FUT9: variants seen among roughly 807,000 people sequenced by gnomAD.
FUT9 encodes the protein fucosyltransferase 9, also known as 4-galactosyl-N-acetylglucosaminide 3-alpha-L-fucosyltransferase 9.
FUT9 carries 15 observed loss-of-function variants against 29.7 expected under a neutral mutation model. That is an observed-to-expected ratio of 0.51 (90% CI 0.34 to 0.78). The LOEUF (loss-of-function observed/expected upper bound fraction) is 0.78, where lower values mean the gene tolerates loss of function less well. FUT9 is among the 30% of genes least tolerant of loss of function. FUT9 has a pLI of 0.01. For synonymous variants in FUT9, 169 were observed against 153.7 expected (o/e 1.10, Z -0.74); for missense variants, 319 against 425.4 (o/e 0.75, Z 2.20).
chr6:96,197,181 A>T lies in FUT9; in HGVS notation c.-8-5967A>T, dbSNP rs112740987. 1.9e-3 allele frequency among the ~76,000 whole-genome samples: 288 copies of T among 152,282 alleles called. 2 individuals are homozygous for T. The highest frequency in any genetic ancestry group is 6.6e-3 in the African/African-American group (275 of 41,574). On this transcript the variant is annotated intron_variant, in intron 2 of 2. Transcript: ENST00000302103. Reference sequence around the variant, plus strand: ...GAAGAAAAAAGAATTTTAAAAAGACATGCGTTGGACTGTCTAAAGAGAAAC... The same window carrying T: ...GAAGAAAAAAGAATTTTAAAAAGACTTGCGTTGGACTGTCTAAAGAGAAAC...
chr6:96,112,803 T>C (rs1255523032), intron 1 of FUT9, among the ~76,000 whole-genome samples: 4 of 152,238 alleles, frequency 2.6e-5, no homozygotes, highest in South Asian at 2.1e-4. Flanking sequence ...TTATGTAACA[T>C]ACTTCTGGTG....
intron 1 of FUT9, among the ~76,000 whole-genome samples, chr6:96,046,613 T>C (rs1177903105): frequency 2.0e-5 from 3 of 152,194 alleles, no homozygotes; most frequent in African/African-American, 7.2e-5. Flanking sequence ...TCTTCACTTA[T>C]TTGTTAACTT....
chr6:96,099,513 A>G (rs535004180), intron 1 of FUT9, among the ~76,000 whole-genome samples: 2 of 152,110 alleles, frequency 1.3e-5, no homozygotes, highest in Non-Finnish European at 2.9e-5. Context: ...ATAGTTGCCA[A>G]TGTTTCCATT....
At chr6:96,086,258 T>C (rs1478737400) in intron 1 of FUT9, among the ~76,000 whole-genome samples, 2 of 152,224 alleles carry the variant, frequency 1.3e-5, no homozygotes, top group East Asian at 1.9e-4. Context: ...ACATGTGCAG[T>C]GTTCCTTCCG....
At chr6:96,123,988 G>A (rs952695159) in intron 2 of FUT9, among the ~76,000 whole-genome samples, 1 of 151,802 alleles carries the variant, frequency 6.6e-6, no homozygotes, top group African/African-American at 2.4e-5. Context: ...GTAGAACTAG[G>A]ATGGAAAGGT....
chr6:96,139,869 G>A (rs1772430054), intron 2 of FUT9, among the ~76,000 whole-genome samples: 1 of 152,108 alleles, frequency 6.6e-6, no homozygotes, highest in Non-Finnish European at 1.5e-5. Context: ...GAGGGGGGCT[G>A]CTGTGAAGGT....
chr6:96,172,912 G>T (rs1286886336), intron 2 of FUT9, among the ~76,000 whole-genome samples: 1 of 152,138 alleles, frequency 6.6e-6, no homozygotes, highest in Non-Finnish European at 1.5e-5. Context: ...AGGTGTGAAG[G>T]TTCCCTGTAC....
At chr6:96,184,145 A>G (rs1465006353) in intron 2 of FUT9, among the ~76,000 whole-genome samples, 2 of 150,706 alleles carry the variant, frequency 1.3e-5, no homozygotes, top group African/African-American at 4.8e-5. Flanking sequence ...TGGTCTGTTC[A>G]GGGTATCTAA....
rs1306307934 is a variant in FUT9 at position 96,016,006 on chromosome 6, T to C, written c.-304T>C. The C allele has an allele frequency of 6.6e-6, 1 of 151,554 alleles. No individual in the cohort carries two copies. The highest frequency in any genetic ancestry group is 1.5e-5 in the Non-Finnish European group (1 of 68,010). 9.4% of individuals were successfully genotyped at this position (151,554 alleles called of 1,614,324 possible). A position where few individuals can be genotyped will look rare whatever the true frequency, so the allele number is the denominator to read the frequency against. On this transcript the variant is annotated 5_prime_UTR_variant, in exon 1 of 3. It removes an upstream start codon present in the reference 5' UTR. Transcript: ENST00000302103. The stretch of plus-strand genomic sequence containing the variant: ...GTAGCAGCTTCAGCGAAGCCGGAGA[T>C]GGGCAGAGAGCGCGCGCGGCGCAGC...
intron 2 of FUT9, among the ~76,000 whole-genome samples, chr6:96,201,976 T>C (rs1459592779): frequency 6.6e-6 from 1 of 151,890 alleles, no homozygotes; most frequent in African/African-American, 2.4e-5. Flanking sequence ...GAAGGATAAT[T>C]TCTCCCGTTT....
At chr6:96,041,591 T>C (rs569514288) in intron 1 of FUT9, among the ~76,000 whole-genome samples, 1 of 152,144 alleles carries the variant, frequency 6.6e-6, no homozygotes, top group Non-Finnish European at 1.5e-5. Context: ...GCCCTTTAAC[T>C]GGCCCTGAAA....
chr6:96,089,292 A>T (rs1771372633), intron 1 of FUT9, among the ~76,000 whole-genome samples: 1 of 152,150 alleles, frequency 6.6e-6, no homozygotes, highest in Admixed American at 6.5e-5. Flanking sequence ...CTTTCCCCTG[A>T]GAATTCTACC....
chr6:96,083,595 C>A (rs115524589), intron 1 of FUT9, among the ~76,000 whole-genome samples: 1,923 of 152,020 alleles, frequency 0.013, 45 homozygotes, highest in African/African-American at 0.044. Flanking sequence ...CCACTTAAAC[C>A]CCTTCAGCAG....
At chr6:96,056,026 CT>C (rs869302938) in intron 1 of FUT9, among the ~76,000 whole-genome samples, 2 of 151,920 alleles carry the variant, frequency 1.3e-5, no homozygotes, top group African/African-American at 4.8e-5. Context: ...TTGAAGTCTT[CT>C]TCTATTTCTA....
chr6:96,191,482 A>G (rs1400880542), intron 2 of FUT9, among the ~76,000 whole-genome samples: 2 of 152,226 alleles, frequency 1.3e-5, no homozygotes, highest in African/African-American at 4.8e-5. Flanking sequence ...AAAATCTAGA[A>G]GAAATGGATA....
intron 2 of FUT9, among the ~76,000 whole-genome samples, chr6:96,120,992 T>C (rs1456021292): frequency 6.6e-6 from 1 of 152,174 alleles, no homozygotes; most frequent in Non-Finnish European, 1.5e-5. Flanking sequence ...ATTTTATCCT[T>C]ACTTGTTTCT....
At chr6:96,082,264 C>T (rs1290925329) in intron 1 of FUT9, among the ~76,000 whole-genome samples, 1 of 151,576 alleles carries the variant, frequency 6.6e-6, no homozygotes, top group African/African-American at 2.4e-5. Context: ...TCTATATTGT[C>T]CTCTAAAGCT....
chr6:96,176,272 T>C (rs936566529), intron 2 of FUT9, among the ~76,000 whole-genome samples: 11 of 152,270 alleles, frequency 7.2e-5, no homozygotes, highest in African/African-American at 2.6e-4. Context: ...CCAACTCCTC[T>C]AGTTAATCCC....
intron 2 of FUT9, among the ~76,000 whole-genome samples, chr6:96,136,553 A>C (rs1386191062): frequency 1.3e-5 from 2 of 152,010 alleles, no homozygotes; most frequent in African/African-American, 4.8e-5. Flanking sequence ...AGTTATAATA[A>C]ACATTTTAAT....
Sources: allele counts gnomAD v4.1 joint callset (sites outside exome capture counted in the v4.1 genomes callset), GRCh38; gene constraint gnomAD v4.1.1; transcripts MANE v1.5; gene names NCBI Gene and HGNC (gene_info 2026-07-23, HGNC 2026-07-21).